The following CTNNBL1 variants were observed in gnomAD, a reference collection of about 807,000 sequenced individuals.
CTNNBL1 encodes catenin beta like 1.
A neutral mutation model predicts 72.7 loss-of-function variants in CTNNBL1; 31 were observed. That is an observed-to-expected ratio of 0.43 (90% CI 0.32 to 0.58). The LOEUF is 0.58. CTNNBL1 is among the 20% of genes least tolerant of loss of function. The pLI is 0.08. For synonymous variants in CTNNBL1, 240 were observed against 267.3 expected, an observed-to-expected ratio of 0.90 and a Z score of 1.00; for missense variants, 534 against 725.1, an observed-to-expected ratio of 0.74 and a Z score of 3.03.
intron 11 of CTNNBL1, among the ~76,000 whole-genome samples, chr20:37,827,413 C>A (rs1439060512): frequency 2.0e-5 from 3 of 152,098 alleles, no homozygotes; most frequent in Non-Finnish European, 2.9e-5. Flanking sequence ...TGAGAGAGGA[C>A]CTTATAAATC....
chr20:37,722,232 T>C (rs1363666436), intron 1 of CTNNBL1, among the ~76,000 whole-genome samples: 1 of 152,102 alleles, frequency 6.6e-6, no homozygotes, highest in Admixed American at 6.6e-5. Context: ...CCAGCACTTT[T>C]GGAGGCCAAG....
intron 15 of CTNNBL1, among the ~76,000 whole-genome samples, chr20:37,866,911 A>G (rs1411476083): frequency 6.6e-6 from 1 of 152,118 alleles, no homozygotes; most frequent in Non-Finnish European, 1.5e-5. Context: ...AGGGACCAGC[A>G]CACAGGCTCG....
At chr20:37,756,838 G>C (rs763297053) in intron 4 of CTNNBL1, among the ~76,000 whole-genome samples, 8 of 151,132 alleles carry the variant, frequency 5.3e-5, no homozygotes, top group Non-Finnish European at 7.4e-5. Flanking sequence ...GTAGAGTCAA[G>C]GTCTCACTAT....
chr20:37,709,134 C>CA (rs368454227), intron 1 of CTNNBL1, among the ~76,000 whole-genome samples: 1 of 150,926 alleles, frequency 6.6e-6, no homozygotes, highest in Non-Finnish European at 1.5e-5. Context: ...AGACTCCGTC[C>CA]AAAAAAACAA....
At chr20:37,809,848 G>A (rs1057065435) in intron 11 of CTNNBL1, among the ~76,000 whole-genome samples, 5 of 152,152 alleles carry the variant, frequency 3.3e-5, no homozygotes, top group Non-Finnish European at 7.3e-5. Context: ...TAAATATTGA[G>A]TGAATGAATA....
At chr20:37,829,285 G>T (rs1191408113) in intron 11 of CTNNBL1, among the ~76,000 whole-genome samples, 1 of 152,176 alleles carries the variant, frequency 6.6e-6, no homozygotes, top group Non-Finnish European at 1.5e-5. Context: ...TTTTAAAGTG[G>T]CCCTGCAAGA....
At chr20:37,868,626 C>G (rs2072556970) in intron 15 of CTNNBL1, among the ~76,000 whole-genome samples, 1 of 152,164 alleles carries the variant, frequency 6.6e-6, no homozygotes, top group Non-Finnish European at 1.5e-5. Context: ...CTTCTTAGCA[C>G]AGTTGGAGTG....
At chr20:37,757,467 A>C in intron 4 of CTNNBL1, 92 bp from the exon 5 acceptor site, 1 of 809,420 alleles carries the variant, frequency 1.2e-6, no homozygotes, top group Non-Finnish European at 2.0e-6. Context: ...GATGGTGATA[A>C]AGCAATTGAT....
intron 11 of CTNNBL1, among the ~76,000 whole-genome samples, chr20:37,820,796 G>A (rs1352830640): frequency 1.3e-5 from 2 of 152,130 alleles, no homozygotes; most frequent in Non-Finnish European, 2.9e-5. Context: ...TCCTTTCTTT[G>A]TAAATTGCCC....
intron 1 of CTNNBL1, among the ~76,000 whole-genome samples, chr20:37,731,482 G>C (rs558042404): frequency 6.6e-6 from 1 of 152,168 alleles, no homozygotes; most frequent in South Asian, 2.1e-4. Flanking sequence ...TGATCTGCCC[G>C]CCTCAGCCTC....
chr20:37,817,887 TCTTGGGGATGGC>T lies in CTNNBL1; in HGVS notation c.1213+14843_1213+14854del, dbSNP rs1245321109. Reference sequence around the variant, plus strand: ...TTCCCTTCTCACATACCTGGGAGTCTCTTGGGGATGGCCTTTATTTAAGAAGTGGGTCTGGAA... The same window carrying T: ...TTCCCTTCTCACATACCTGGGAGTCTCTTTATTTAAGAAGTGGGTCTGGAA... On this transcript the variant is annotated intron_variant, in intron 11 of 15. Coordinates refer to ENST00000361383, the MANE Select transcript of CTNNBL1 (RefSeq NM_030877.5). 3.9e-5 allele frequency among the ~76,000 whole-genome samples: 6 copies of T among 152,356 alleles called. No individual in the cohort carries two copies. In the East Asian group the frequency reaches 9.6e-4, roughly 24 times the overall value.
chr20:37,799,256 C>T (rs1248359568), intron 10 of CTNNBL1, among the ~76,000 whole-genome samples: 2 of 152,160 alleles, frequency 1.3e-5, no homozygotes, highest in Non-Finnish European at 2.9e-5. Flanking sequence ...GTCCAGGGCC[C>T]TCCCTTGTTT....
At chr20:37,814,133 T>C (rs2072034700) in intron 11 of CTNNBL1, among the ~76,000 whole-genome samples, 1 of 152,204 alleles carries the variant, frequency 6.6e-6, no homozygotes, top group Non-Finnish European at 1.5e-5. Flanking sequence ...TCCTAGGAAC[T>C]GAACCTAGGA....
chr20:37,869,480 T>C (rs1019461446), intron 15 of CTNNBL1, among the ~76,000 whole-genome samples: 1 of 152,234 alleles, frequency 6.6e-6, no homozygotes, highest in African/African-American at 2.4e-5. Flanking sequence ...CAGGAGATCC[T>C]TCAGCACGAC....
At chr20:37,829,198 G>T (rs1568799946) in intron 11 of CTNNBL1, among the ~76,000 whole-genome samples, 1 of 152,200 alleles carries the variant, frequency 6.6e-6, no homozygotes, top group Non-Finnish European at 1.5e-5. Flanking sequence ...ACTGCTGTTT[G>T]ATTTCCTTAA....
At chr20:37,848,423 T>C (rs1390078114) in intron 13 of CTNNBL1, among the ~76,000 whole-genome samples, 2 of 152,104 alleles carry the variant, frequency 1.3e-5, no homozygotes, top group African/African-American at 2.4e-5. Flanking sequence ...CCCAAAGTGC[T>C]GGAGTTACAG....
At chr20:37,786,975 G>A (rs1430100705) in intron 10 of CTNNBL1, among the ~76,000 whole-genome samples, 1 of 152,022 alleles carries the variant, frequency 6.6e-6, no homozygotes, top group Non-Finnish European at 1.5e-5. Context: ...TGTTTCTAGG[G>A]TATAAAGTAC....
At chr20:37,777,524 C>T in intron 8 of CTNNBL1, 107 bp downstream of exon 8, 1 of 1,386,332 alleles carries the variant, frequency 7.2e-7, no homozygotes, top group Non-Finnish European at 1.0e-6. Context: ...CTCTCCCTCT[C>T]ACTCCCTGTG....
At chr20:37,779,386 T>C (rs933271959) in intron 10 of CTNNBL1, 51 bp downstream of exon 10, 21 of 1,591,958 alleles carry the variant, frequency 1.3e-5, no homozygotes, top group Admixed American at 1.2e-4. Context: ...GACTTTTCAC[T>C]GTTAGCCTGA....
Sources: allele counts gnomAD v4.1 joint callset (sites outside exome capture counted in the v4.1 genomes callset), GRCh38; gene constraint gnomAD v4.1.1; transcripts MANE v1.5; gene names NCBI Gene and HGNC (gene_info 2026-07-23, HGNC 2026-07-21).